SMG6: variants seen among roughly 807,000 people sequenced by gnomAD.
SMG6 encodes telomerase-binding protein EST1A.
A neutral mutation model predicts 142.2 loss-of-function variants in SMG6; 66 were observed. The ratio of observed to expected loss-of-function variants is 0.46; its 90% CI spans 0.38 to 0.57. SMG6 has a LOEUF of 0.57. Ranked by LOEUF, SMG6 falls within the 20% of genes least tolerant of loss-of-function variation. The probability of loss-of-function intolerance (pLI) is 0.00; values close to 1 mark genes in which losing one functional copy is unlikely to be tolerated. For missense variants in SMG6, 1,793 were observed against 1,832.0 expected (o/e 0.98, Z 0.39); for synonymous variants, 779 against 702.4 (o/e 1.11, Z -1.72).
chr17:2,186,558 G>C, intron 12 of SMG6, 105 bp downstream of exon 12: 2 of 1,292,512 alleles, frequency 1.5e-6, no homozygotes, highest in Non-Finnish European at 2.1e-6. Flanking sequence ...TAGAGAGGCA[G>C]GCAGGCTGTG....
At chr17:2,206,351 C>T (rs542247858) in intron 10 of SMG6, among the ~76,000 whole-genome samples, 2 of 151,526 alleles carry the variant, frequency 1.3e-5, no homozygotes, top group South Asian at 2.1e-4. Flanking sequence ...TTTGGGAGGC[C>T]GAGGCTGGAG....
chr17:2,119,587 C>A (rs1490515301), intron 13 of SMG6, among the ~76,000 whole-genome samples: 2 of 152,088 alleles, frequency 1.3e-5, no homozygotes, highest in Non-Finnish European at 2.9e-5. Flanking sequence ...GCAACCTCTG[C>A]CTCCTGGGTT....
intron 13 of SMG6, chr17:2,101,253 T>C (rs964953200): frequency 1.2e-4 from 18 of 152,162 alleles, no homozygotes; most frequent in African/African-American, 4.3e-4. Context: ...TGCATCACCA[T>C]GCCCAGCTAA....
intron 13 of SMG6, among the ~76,000 whole-genome samples, chr17:2,155,467 C>T (rs2151610461): frequency 6.6e-6 from 1 of 152,076 alleles, no homozygotes; most frequent in East Asian, 1.9e-4. Flanking sequence ...TGAGGATAGC[C>T]ACCTCCAAAG....
chr17:2,188,266 A>G, intron 11 of SMG6, 133 bp downstream of exon 11: 1 of 722,104 alleles, frequency 1.4e-6, no homozygotes, highest in Non-Finnish European at 2.4e-6. Flanking sequence ...GGCAAAAGGA[A>G]GAGGGGCATG....
At chr17:2,138,790 C>T (rs2070383807) in intron 13 of SMG6, among the ~76,000 whole-genome samples, 1 of 152,144 alleles carries the variant, frequency 6.6e-6, no homozygotes, top group African/African-American at 2.4e-5. Context: ...TAATTATCTC[C>T]TAGAAATTAC....
chr17:2,234,140 T>C (rs2073580390), intron 10 of SMG6, among the ~76,000 whole-genome samples: 2 of 152,178 alleles, frequency 1.3e-5, no homozygotes, highest in Admixed American at 6.5e-5. Flanking sequence ...TGACCCACCA[T>C]GGAAGAGTCC....
intron 8 of SMG6, among the ~76,000 whole-genome samples, chr17:2,268,729 G>A (rs1024449841): frequency 8.6e-5 from 13 of 151,820 alleles, no homozygotes; most frequent in African/African-American, 3.1e-4. Flanking sequence ...GGCTAATATG[G>A]TGAAACCCCA....
chr17:2,127,441 TA>T, intron 13 of SMG6: 1 of 831,642 alleles, frequency 1.2e-6, no homozygotes, highest in Non-Finnish European at 2.0e-6. Flanking sequence ...CCACAGGTGA[TA>T]AAATCCCAGA....
At chr17:2,193,024 A>C (rs928412066) in intron 10 of SMG6, among the ~76,000 whole-genome samples, 1 of 152,248 alleles carries the variant, frequency 6.6e-6, no homozygotes, top group Non-Finnish European at 1.5e-5. Context: ...AAAGCAAGTC[A>C]TAACATTTCC....
intron 4 of SMG6, among the ~76,000 whole-genome samples, chr17:2,294,284 C>T (rs1362723979): frequency 6.6e-6 from 1 of 152,158 alleles, no homozygotes; most frequent in African/African-American, 2.4e-5. Flanking sequence ...TGTTAAGAAT[C>T]CTCTGTATTT....
At position 2,172,693 on chromosome 17, in the gene SMG6, G is replaced by A; in HGVS notation, c.3322C>T (p.Gln1108Ter). The change falls in exon 13 of 19, where the codon CAG (glutamine) becomes TAG (stop). Residue 1108 changes from glutamine to a stop codon, truncating the protein, a stop_gained. Transcript: ENST00000263073. LOFTEE classifies it high-confidence loss of function. ...SGFVPLLAAP[Q>*]DPCYVEKTSD... ...GTTTTCTCCACGTAGCAGGGGTCCT[G>A]AGGGGCAGCCAGCAAGGGGACAAAG... 1.2e-6 allele frequency: 2 copies of A among 1,613,966 alleles called. No homozygotes were observed. The highest frequency in any genetic ancestry group is 1.7e-6 in the Non-Finnish European group (2 of 1,180,032).
intron 13 of SMG6, among the ~76,000 whole-genome samples, chr17:2,162,929 T>G (rs1293754577): frequency 6.6e-6 from 1 of 152,148 alleles, no homozygotes; most frequent in Non-Finnish European, 1.5e-5. Flanking sequence ...CCTCCTTGGT[T>G]CAAGTGATCC....
intron 13 of SMG6, among the ~76,000 whole-genome samples, chr17:2,146,096 AATAAT>A (rs2070660052): frequency 6.6e-6 from 1 of 152,206 alleles, no homozygotes; most frequent in African/African-American, 2.4e-5. Flanking sequence ...AATGAACTAA[AATAAT>A]ATATGTGGGA....
rs188980518 is a variant in SMG6, at chr17:2,183,104, T to C, written c.3155+3559A>G. On this transcript the variant is annotated intron_variant, in intron 12 of 18. Transcript: ENST00000263073. ...TAGCCGGGTTGGTGGTGCATGCCTGTAGTCCCAGCTACTTGGGAGACTGAG... is the reference window on the plus strand; with the variant it reads ...TAGCCGGGTTGGTGGTGCATGCCTGCAGTCCCAGCTACTTGGGAGACTGAG... 1.0e-3 allele frequency among the ~76,000 whole-genome samples: 156 copies of C among 152,196 alleles called. 2 individuals carry two copies. In the East Asian group the frequency reaches 0.027, roughly 26 times the overall value.
rs143366381 is a variant in SMG6, at chr17:2,266,217, A to C, written c.2661+16430T>G. 6,421 of 981,914 alleles carry C rather than the reference A, an allele frequency of 6.5e-3. 28 individuals carry two copies. The highest frequency in any genetic ancestry group is 7.3e-3 in the Non-Finnish European group (5,998 of 826,770). 60.8% of individuals were successfully genotyped at this position (981,914 alleles called of 1,614,324 possible). A position where few individuals can be genotyped will look rare whatever the true frequency, so the allele number is the denominator to read the frequency against. ...CTGGGTCCTGACTTTCCGGATGGTA[A>C]CTAAAGGTCACGTGGGGTGGAAAGT... On this transcript the variant is annotated intron_variant, in intron 8 of 18. Coordinates refer to ENST00000263073, the MANE Select transcript of SMG6 (RefSeq NM_017575.5).
chr17:2,284,372 T>C (rs767444021), intron 6 of SMG6, among the ~76,000 whole-genome samples: 1 of 152,158 alleles, frequency 6.6e-6, no homozygotes, highest in Non-Finnish European at 1.5e-5. Flanking sequence ...AATAAATAAG[T>C]AGCTGAGTTG....
At chr17:2,198,465 C>T (rs746988853) in intron 10 of SMG6, among the ~76,000 whole-genome samples, 17 of 152,006 alleles carry the variant, frequency 1.1e-4, no homozygotes, top group Non-Finnish European at 1.9e-4. Flanking sequence ...TTGCACAGAA[C>T]CCCACACACA....
At chr17:2,127,138 CAAAAAAAAAA>C (rs941523968) in intron 13 of SMG6, among the ~76,000 whole-genome samples, 3 of 51,260 alleles carry the variant, frequency 5.9e-5, no homozygotes, top group Admixed American at 2.2e-4. Context: ...GACCTTGTCT[CAAAAAAAAAA>C]AAAAAAAAAA....
Sources: allele counts gnomAD v4.1 joint callset (sites outside exome capture counted in the v4.1 genomes callset), GRCh38; gene constraint gnomAD v4.1.1; transcripts MANE v1.5; gene names NCBI Gene and HGNC (gene_info 2026-07-23, HGNC 2026-07-21).